Variants in CEP162 observed in about 807,000 individuals in gnomAD.
The protein encoded by CEP162 is centrosomal protein of 162 kDa.
Under a neutral mutation model 169.2 loss-of-function variants are expected in CEP162, and 141 were observed. The observed-to-expected ratio is 0.83, with a 90% CI of 0.73 to 0.96. The LOEUF is 0.96. Ranked by LOEUF, CEP162 falls within the 40% of genes least tolerant of loss-of-function variation. The pLI, the probability that CEP162 is intolerant of heterozygous loss-of-function variation, is 0.00. For missense variants in CEP162, 1,600 were observed against 1,587.2 expected (o/e 1.01, Z -0.14); for synonymous variants, 540 against 526.4 (o/e 1.03, Z -0.35).
At chr6:84,210,943 C>A (rs980390423) in intron 6 of CEP162, among the ~76,000 whole-genome samples, 1 of 151,930 alleles carries the variant, frequency 6.6e-6, no homozygotes, top group Admixed American at 6.6e-5. Context: ...ACTTACCAGA[C>A]AAGGCTCAAT....
At position 84,148,218 on chromosome 6, in the gene CEP162, T is replaced by TC. The variant is rs1238967171; in HGVS notation, c.3771+1343dup. Among the ~76,000 whole-genome samples, 5 of 152,252 alleles carry TC rather than the reference T, an allele frequency of 3.3e-5. No individual in the cohort carries two copies. The East Asian group carries it at 9.7e-4, about 29-fold the overall frequency. On this transcript the variant is annotated intron_variant, in intron 24 of 26. Transcript: ENST00000403245. The stretch of plus-strand genomic sequence containing the variant: ...AACGTAGTCAAATAGTCCTTTTTTT[T>TC]CTCAGCGATCTGAAGTTAAGTTACA...
At chr6:84,227,421 G>T (rs1043950919) in intron 1 of CEP162, among the ~76,000 whole-genome samples, 159 bp downstream of exon 1, 2 of 152,202 alleles carry the variant, frequency 1.3e-5, no homozygotes, top group African/African-American at 4.8e-5. Context: ...CAGAAGCGCG[G>T]GTTCGGGAAT....
intron 21 of CEP162, among the ~76,000 whole-genome samples, chr6:84,157,964 T>G (rs969215912): frequency 1.1e-4 from 17 of 152,148 alleles, no homozygotes; most frequent in African/African-American, 3.6e-4. Context: ...TAGATAACAT[T>G]TAATGAAGTC....
chr6:84,164,067 C>A (rs924661951), intron 18 of CEP162, among the ~76,000 whole-genome samples: 1 of 149,172 alleles, frequency 6.7e-6, no homozygotes, highest in Non-Finnish European at 1.5e-5. Flanking sequence ...TCTCAAAAGA[C>A]GACATTTATG....
chr6:84,153,802 T>C (rs1322481125), intron 22 of CEP162, among the ~76,000 whole-genome samples: 1 of 152,164 alleles, frequency 6.6e-6, no homozygotes. Context: ...AAAGACTCAG[T>C]TATTATTTTC....
At chr6:84,153,698 C>T (rs375337895) in intron 22 of CEP162, among the ~76,000 whole-genome samples, 30 of 152,212 alleles carry the variant, frequency 2.0e-4, no homozygotes, top group African/African-American at 5.8e-4. Context: ...ATTTCTCCTA[C>T]GGAGGGAGGC....
chr6:84,186,264 T>C (rs2099537093), intron 12 of CEP162, 68 bp downstream of exon 12: 2 of 833,632 alleles, frequency 2.4e-6, no homozygotes, highest in South Asian at 1.7e-5. Context: ...CACCTACCAA[T>C]AGTACTTATA....
At chr6:84,171,389 T>C (rs2099530048) in intron 17 of CEP162, among the ~76,000 whole-genome samples, 3 of 152,096 alleles carry the variant, frequency 2.0e-5, no homozygotes, top group Non-Finnish European at 4.4e-5. Flanking sequence ...TCATATGAAT[T>C]CAAATATGAA....
chr6:84,159,935 C>T (rs1344619327), intron 21 of CEP162, among the ~76,000 whole-genome samples: 1 of 151,884 alleles, frequency 6.6e-6, no homozygotes, highest in African/African-American at 2.4e-5. Flanking sequence ...TGGCCCTGAC[C>T]CAATCTACTC....
intron 11 of CEP162, 70 bp from the exon 12 acceptor site, chr6:84,186,693 G>T: frequency 7.9e-7 from 1 of 1,261,596 alleles, no homozygotes; most frequent in Non-Finnish European, 1.1e-6. Context: ...TAATAACCAC[G>T]TGTGTGTGTA....
intron 25 of CEP162, among the ~76,000 whole-genome samples, chr6:84,131,154 G>A (rs777620142): frequency 2.6e-5 from 4 of 152,150 alleles, no homozygotes; most frequent in Non-Finnish European, 5.9e-5. Context: ...TTTCCATGTA[G>A]TTGTGCAGTT....
At chr6:84,143,049 T>TA (rs1299458279) in intron 25 of CEP162, among the ~76,000 whole-genome samples, 5 of 151,572 alleles carry the variant, frequency 3.3e-5, no homozygotes, top group East Asian at 1.9e-4. Context: ...TTTATGTTTG[T>TA]AAAAAAAAAT....
chr6:84,206,638 AC>A (rs1408249320), intron 6 of CEP162, among the ~76,000 whole-genome samples: 1 of 152,202 alleles, frequency 6.6e-6, no homozygotes, highest in East Asian at 1.9e-4. Flanking sequence ...CCTAGGCAAT[AC>A]CATTCAGGAC....
Position 84,194,981 on chromosome 6 carries a change from T to A in CEP162, c.930A>T (p.Lys310Asn). The A allele has an allele frequency of 2.5e-6, 4 of 1,613,562 alleles. No homozygotes were observed. Among genetic ancestry groups the A allele is most frequent in the Non-Finnish European group, 3.4e-6 (4 of 1,179,684 alleles). ...AHSLGDEDKQ[K>N]IESNTVEDIK... ...TATCTTCCACTGTGTTACTCTCAAT[T>A]TTTTGTTTGTCTTCATCTCCCAATG... The change falls in exon 10 of 27, where the codon AAA becomes AAT. Residue 310 changes from lysine (K) to asparagine (N), a missense_variant. Coordinates refer to ENST00000403245, the MANE Select transcript of CEP162 (RefSeq NM_014895.4).
intron 11 of CEP162, among the ~76,000 whole-genome samples, chr6:84,192,620 A>G (rs1341387726): frequency 6.6e-6 from 1 of 152,256 alleles, no homozygotes; most frequent in Admixed American, 6.5e-5. Flanking sequence ...ATGAGGATAC[A>G]GTATAGGAAG....
At chr6:84,209,615 T>C (rs1026378448) in intron 6 of CEP162, among the ~76,000 whole-genome samples, 1 of 152,168 alleles carries the variant, frequency 6.6e-6, no homozygotes, top group African/African-American at 2.4e-5. Context: ...TGTCAGGTGA[T>C]CCACCCGCCT....
intron 6 of CEP162, among the ~76,000 whole-genome samples, chr6:84,207,946 C>T (rs1017003925): frequency 1.3e-5 from 2 of 150,998 alleles, no homozygotes; most frequent in Non-Finnish European, 2.9e-5. Flanking sequence ...CAATTGCTTA[C>T]TTATAAAAGG....
intron 24 of CEP162, among the ~76,000 whole-genome samples, chr6:84,148,029 ACTTTT>A (rs2099519693): frequency 6.6e-6 from 1 of 152,112 alleles, no homozygotes; most frequent in African/African-American, 2.4e-5. Context: ...TCATGATACT[ACTTTT>A]CCTACCTCTT....
At chr6:84,175,054 TG>T (rs1182062939) in intron 14 of CEP162, 100 bp from the exon 15 acceptor site, 1 of 937,076 alleles carries the variant, frequency 1.1e-6, no homozygotes, top group African/African-American at 1.7e-5. Flanking sequence ...TGGTTAATAA[TG>T]TTCTATTATA....
Sources: allele counts gnomAD v4.1 joint callset (sites outside exome capture counted in the v4.1 genomes callset), GRCh38; gene constraint gnomAD v4.1.1; transcripts MANE v1.5; gene names NCBI Gene and HGNC (gene_info 2026-07-23, HGNC 2026-07-21).